The following SLC26A9 variants were observed in gnomAD, a reference collection of about 807,000 sequenced individuals.
The protein encoded by SLC26A9 is anion transporter/exchanger protein 9.
Under a neutral mutation model 87.1 loss-of-function variants are expected in SLC26A9, and 46 were observed. The ratio of observed to expected loss-of-function variants is 0.53; its 90% CI spans 0.42 to 0.67. The LOEUF (loss-of-function observed/expected upper bound fraction) is 0.67. Ranked by LOEUF, SLC26A9 falls within the 30% of genes least tolerant of loss-of-function variation. The pLI is 0.00. For missense variants in SLC26A9, 927 were observed against 1,018.3 expected (o/e 0.91, Z 1.22); for synonymous variants, 437 against 409.1 (o/e 1.07, Z -0.82).
At chr1:205,937,076 T>C (rs1166653893) in intron 1 of SLC26A9, among the ~76,000 whole-genome samples, 2 of 152,142 alleles carry the variant, frequency 1.3e-5, no homozygotes, top group Non-Finnish European at 2.9e-5. Flanking sequence ...AGGGGTTGTG[T>C]AAAATGTAAA....
chr1:205,914,610 A>C lies in SLC26A9; in HGVS notation c.*747T>G. ...GGGGAAGGGAGCAGCCTCTGAGGGC[A>C]GTGATGTTTCAGGAGGCTGAGGCAG... On this transcript the variant is annotated 3_prime_UTR_variant, in exon 21 of 21. Transcript: ENST00000367135. The C allele has an allele frequency of 1.1e-5, 4 of 372,246 alleles. No homozygotes were observed. The highest frequency in any genetic ancestry group is 1.9e-5 in the Non-Finnish European group (4 of 205,694). 23.1% of individuals were successfully genotyped at this position (372,246 alleles called of 1,614,324 possible). A position where few individuals can be genotyped will look rare whatever the true frequency, so the allele number is the denominator to read the frequency against.
intron 5 of SLC26A9, among the ~76,000 whole-genome samples, chr1:205,931,270 G>C (rs1259581871): frequency 6.6e-6 from 1 of 152,198 alleles, no homozygotes; most frequent in African/African-American, 2.4e-5. Flanking sequence ...TGCTGGCAGA[G>C]AGTTGGGTTT....
At position 205,924,369 on chromosome 1, in the gene SLC26A9, A is replaced by T; in HGVS notation, c.1496+14T>A. The T allele has an allele frequency of 6.2e-7, 1 of 1,613,218 alleles. No individual in the cohort carries two copies. Among genetic ancestry groups the T allele is most frequent in the Admixed American group, 1.7e-5 (1 of 60,014 alleles). On this transcript the variant is annotated intron_variant, in intron 13 of 20. Coordinates refer to ENST00000367135, the MANE Select transcript of SLC26A9 (RefSeq NM_052934.4). ...ACCGACTGTGGGCCTAGGAGGGCGG[A>T]AGCTATCACTTACAACTGAGTCTGG...
chr1:205,928,682 G>T, intron 8 of SLC26A9, 145 bp downstream of exon 8: 1 of 742,172 alleles, frequency 1.3e-6, no homozygotes, highest in Non-Finnish European at 2.2e-6. Flanking sequence ...CTCAGGAAAC[G>T]GTAATAGTAA....
At chr1:205,931,469 T>TTTTTTG (rs1659303180) in intron 5 of SLC26A9, among the ~76,000 whole-genome samples, 1 of 46,012 alleles carries the variant, frequency 2.2e-5, no homozygotes. Flanking sequence ...AACTTGGTTT[T>TTTTTTG]TTTTTTTTTT....
intron 1 of SLC26A9, among the ~76,000 whole-genome samples, chr1:205,942,737 CA>C (rs1257908200): frequency 6.6e-6 from 1 of 152,202 alleles, no homozygotes; most frequent in Non-Finnish European, 1.5e-5. Context: ...AGCTACCGCC[CA>C]CCCGCCTGCC....
chr1:205,922,865 C>T lies in SLC26A9; in HGVS notation c.1773+217G>A, dbSNP rs181147419. 5.9e-5 allele frequency among the ~76,000 whole-genome samples: 9 copies of T among 152,238 alleles called. No homozygotes were observed. The East Asian group carries it at 1.7e-3, about 29-fold the overall frequency. ...AGTGAGCCAAGATAACGCCATTGCACTCAAGCCTGGGTGACAAGAGCAAAA... is the reference window on the plus strand; with the variant it reads ...AGTGAGCCAAGATAACGCCATTGCATTCAAGCCTGGGTGACAAGAGCAAAA... On this transcript the variant is annotated intron_variant, in intron 16 of 20. Coordinates refer to ENST00000367135, the MANE Select transcript of SLC26A9 (RefSeq NM_052934.4).
In SLC26A9 at chr1:205,923,866, A is replaced by G. The variant is rs535616614; in HGVS notation, c.1497-253T>C. Among the ~76,000 whole-genome samples the G allele has an allele frequency of 2.6e-5, 4 of 152,142 alleles. No individual in the cohort carries two copies. In the East Asian group the frequency reaches 7.7e-4, roughly 29 times the overall value. ...GGGCAGGGGAGAGAAGTGGTGGGAG[A>G]AGTGGTGGGAGTCGCCCTGAAGTCA... On this transcript the variant is annotated intron_variant, in intron 13 of 20. Coordinates refer to ENST00000367135, the MANE Select transcript of SLC26A9 (RefSeq NM_052934.4).
At chr1:205,925,357 C>A (rs553686321) in intron 12 of SLC26A9, among the ~76,000 whole-genome samples, 21 of 152,210 alleles carry the variant, frequency 1.4e-4, no homozygotes, top group Non-Finnish European at 2.6e-4. Flanking sequence ...TTGATAGTTG[C>A]CCCCTATAGA....
chr1:205,923,298 T>A (rs753442553), intron 15 of SLC26A9, 37 bp downstream of exon 15: 5 of 1,613,002 alleles, frequency 3.1e-6, no homozygotes. Context: ...GGCCACTCTC[T>A]GTCCAGAGCC....
intron 19 of SLC26A9, among the ~76,000 whole-genome samples, chr1:205,917,667 T>A (rs1442330305): frequency 6.6e-6 from 1 of 152,184 alleles, no homozygotes; most frequent in African/African-American, 2.4e-5. Flanking sequence ...CTCCTGGGAA[T>A]ATATTTTCTA....
At chr1:205,938,207 C>A (rs1659597577) in intron 1 of SLC26A9, among the ~76,000 whole-genome samples, 1 of 151,690 alleles carries the variant, frequency 6.6e-6, no homozygotes, top group South Asian at 2.1e-4. Context: ...TACCCCTCAG[C>A]CTCCATATTC....
rs1342917627 is a variant in SLC26A9 at position 205,931,543 on chromosome 1, T to G, written c.552+317A>C. Among the ~76,000 whole-genome samples the G allele has an allele frequency of 2.8e-5, 4 of 145,372 alleles. No homozygotes were observed. The East Asian group carries it at 8.7e-4, about 31-fold the overall frequency. On this transcript the variant is annotated intron_variant, in intron 5 of 20. Coordinates refer to ENST00000367135, the MANE Select transcript of SLC26A9 (RefSeq NM_052934.4). ...GTGCAGTGGCGCGATCTCGGCTCAC[T>G]GCAACCTCTGCCTCCCGGATTCAAG...
chr1:205,937,113 A>G (rs1003809073), intron 1 of SLC26A9, among the ~76,000 whole-genome samples: 18 of 152,190 alleles, frequency 1.2e-4, no homozygotes, highest in Non-Finnish European at 2.6e-4. Flanking sequence ...AGTTTCTATT[A>G]TGAATAAGAT....
chr1:205,921,391 G>A (rs1658820489), intron 17 of SLC26A9, among the ~76,000 whole-genome samples, 175 bp downstream of exon 17: 2 of 152,208 alleles, frequency 1.3e-5, no homozygotes, highest in Admixed American at 6.5e-5. Context: ...CTGCTCTGTG[G>A]AGAATGTCTC....
In SLC26A9 at chr1:205,914,768, G is replaced by GA. The variant is rs1658503997; in HGVS notation, c.*588_*589insT. The GA allele has an allele frequency of 3.2e-5, 39 of 1,209,496 alleles. No homozygotes were observed. In the South Asian group the frequency reaches 5.8e-4, roughly 18 times the overall value. The allele number at this position is 1,209,496 out of a possible 1,614,324, so 74.9% of individuals were successfully genotyped here. On this transcript the variant is annotated 3_prime_UTR_variant, in exon 21 of 21. Coordinates refer to ENST00000367135, the MANE Select transcript of SLC26A9 (RefSeq NM_052934.4). ...CAGCCTTGGGGATGATGGAGGGGGG[G>GA]CGCATAGTTACCAAGGCCTAGACTC...
chr1:205,923,788 T>A (rs539521961), intron 13 of SLC26A9, among the ~76,000 whole-genome samples, 175 bp from the exon 14 acceptor site: 4 of 152,306 alleles, frequency 2.6e-5, no homozygotes, highest in African/African-American at 7.2e-5. Context: ...GCCTGTGGCC[T>A]CCTATAACTA....
Position 205,921,671 on chromosome 1 carries a change from A to G in SLC26A9, c.1950T>C (p.Ser650=). ...AGGGTGGGACGCTGGCCAGCATGTC[A>G]CTGGGCTCGCCGGGGGCCTCAGCGG... ...PASAEAPGEP[S]DMLASVPPFV... is the part of the protein sequence containing the mutation. Residue 650 remains serine (S), a synonymous_variant, in exon 17 of 21, where the codon AGT becomes AGC. Transcript: ENST00000367135. 2 of 1,600,954 alleles carry G rather than the reference A, an allele frequency of 1.2e-6. No individual in the cohort carries two copies. Among genetic ancestry groups the G allele is most frequent in the Non-Finnish European group, 8.5e-7 (1 of 1,173,912 alleles).
At chr1:205,922,427 C>T (rs1658880669) in intron 16 of SLC26A9, among the ~76,000 whole-genome samples, 1 of 152,206 alleles carries the variant, frequency 6.6e-6, no homozygotes, top group African/African-American at 2.4e-5. Flanking sequence ...ACAAGGATTA[C>T]TGCCATGGCC....
Sources: allele counts gnomAD v4.1 joint callset (sites outside exome capture counted in the v4.1 genomes callset), GRCh38; gene constraint gnomAD v4.1.1; transcripts MANE v1.5; gene names NCBI Gene and HGNC (gene_info 2026-07-23, HGNC 2026-07-21).